PHACTR1: variants seen among roughly 807,000 people sequenced by gnomAD.
The protein encoded by PHACTR1 is RPEL repeat containing 1.
A neutral mutation model predicts 69.2 loss-of-function variants in PHACTR1; 16 were observed. The observed-to-expected ratio is 0.23, with a 90% CI of 0.16 to 0.35. The LOEUF (loss-of-function observed/expected upper bound fraction) is 0.35. Ranked by LOEUF, PHACTR1 falls within the 10% of genes least tolerant of loss-of-function variation. The pLI, the probability that PHACTR1 is intolerant of heterozygous loss-of-function variation, is 1.00. For synonymous variants in PHACTR1, 312 were observed against 284.5 expected, an observed-to-expected ratio of 1.10 and a Z score of -0.97; for missense variants, 510 against 734.7, an observed-to-expected ratio of 0.69 and a Z score of 3.54.
chr6:13,062,841 T>G (rs1807882500), intron 5 of PHACTR1, among the ~76,000 whole-genome samples: 1 of 152,218 alleles, frequency 6.6e-6, no homozygotes, highest in African/African-American at 2.4e-5. Flanking sequence ...AGCATAAGAC[T>G]AGCTATGTCC....
chr6:12,929,834 T>G (rs936023333), intron 4 of PHACTR1, among the ~76,000 whole-genome samples: 2 of 152,238 alleles, frequency 1.3e-5, no homozygotes, highest in Non-Finnish European at 2.9e-5. Flanking sequence ...GAAATAATCA[T>G]TTTAATTTTC....
At chr6:12,996,059 G>A (rs1213529809) in intron 4 of PHACTR1, among the ~76,000 whole-genome samples, 1 of 152,026 alleles carries the variant, frequency 6.6e-6, no homozygotes, top group Non-Finnish European at 1.5e-5. Flanking sequence ...CAAAATACAT[G>A]AGATTTGCAA....
intron 5 of PHACTR1, among the ~76,000 whole-genome samples, chr6:13,103,053 G>A (rs1368757188): frequency 2.0e-5 from 3 of 152,062 alleles, no homozygotes; most frequent in Non-Finnish European, 4.4e-5. Flanking sequence ...GAATTGATTG[G>A]AATTCATTTT....
intron 4 of PHACTR1, among the ~76,000 whole-genome samples, chr6:12,946,988 T>C (rs1263991891): frequency 6.6e-6 from 1 of 151,756 alleles, no homozygotes; most frequent in Non-Finnish European, 1.5e-5. Flanking sequence ...AATTTTTGTA[T>C]TTTTAGTAGA....
chr6:12,744,981 C>T (rs1765585371), intron 3 of PHACTR1, among the ~76,000 whole-genome samples: 1 of 152,046 alleles, frequency 6.6e-6, no homozygotes, highest in African/African-American at 2.4e-5. Context: ...TTTTGAAAAT[C>T]TAGGTATACA....
At chr6:12,928,726 T>C (rs1788552889) in intron 4 of PHACTR1, among the ~76,000 whole-genome samples, 1 of 150,994 alleles carries the variant, frequency 6.6e-6, no homozygotes, top group Non-Finnish European at 1.5e-5. Flanking sequence ...GCTCTACTCA[T>C]ATTCTCAAAG....
chr6:12,761,878 G>A (rs997189855), intron 4 of PHACTR1, among the ~76,000 whole-genome samples: 2 of 152,174 alleles, frequency 1.3e-5, no homozygotes, highest in East Asian at 3.8e-4. Context: ...GTCTAGGGCT[G>A]TTCACTCCCT....
chr6:12,902,418 G>T (rs1785302567), intron 4 of PHACTR1, among the ~76,000 whole-genome samples: 1 of 152,100 alleles, frequency 6.6e-6, no homozygotes. Context: ...GCAAGATCCT[G>T]TCTCCAAAAA....
chr6:12,914,626 T>C (rs370329820), intron 4 of PHACTR1, among the ~76,000 whole-genome samples: 50 of 152,118 alleles, frequency 3.3e-4, no homozygotes, highest in African/African-American at 1.1e-3. Context: ...CCAAAAGATT[T>C]TCCTCCTTCT....
intron 4 of PHACTR1, among the ~76,000 whole-genome samples, chr6:12,946,243 C>T (rs529962622): frequency 1.9e-4 from 29 of 151,934 alleles, no homozygotes; most frequent in African/African-American, 6.8e-4. Flanking sequence ...GAAAATGTGG[C>T]ATCAGGGAGG....
At chr6:12,854,714 A>T (rs1458655554) in intron 4 of PHACTR1, among the ~76,000 whole-genome samples, 1 of 152,234 alleles carries the variant, frequency 6.6e-6, no homozygotes, top group African/African-American at 2.4e-5. Flanking sequence ...CAAGCCCATT[A>T]AAAAGTGGGC....
At chr6:13,043,494 A>AG (rs1487547647) in intron 4 of PHACTR1, among the ~76,000 whole-genome samples, 1 of 152,294 alleles carries the variant, frequency 6.6e-6, no homozygotes, top group Admixed American at 6.5e-5. Context: ...CTATAGGACA[A>AG]GGGTTAACAA....
intron 3 of PHACTR1, among the ~76,000 whole-genome samples, chr6:12,747,230 G>A (rs778118918): frequency 1.3e-5 from 2 of 152,128 alleles, no homozygotes; most frequent in Non-Finnish European, 2.9e-5. Flanking sequence ...AAGGGCATAG[G>A]ATTTGAAATC....
chr6:12,822,222 G>A (rs1313072332), intron 4 of PHACTR1, among the ~76,000 whole-genome samples: 3 of 152,152 alleles, frequency 2.0e-5, no homozygotes, highest in Non-Finnish European at 4.4e-5. Flanking sequence ...TGTTTTGAGA[G>A]GAGGAGATGT....
intron 7 of PHACTR1, among the ~76,000 whole-genome samples, chr6:13,183,129 TTTAA>T (rs1333897079): frequency 3.9e-5 from 6 of 152,222 alleles, no homozygotes; most frequent in Non-Finnish European, 7.3e-5. Context: ...AGTCAATTAA[TTTAA>T]TTGTCTATTA....
intron 4 of PHACTR1, among the ~76,000 whole-genome samples, chr6:12,815,617 C>A (rs1227650826): frequency 6.6e-6 from 1 of 152,160 alleles, no homozygotes; most frequent in Non-Finnish European, 1.5e-5. Flanking sequence ...CACCTTCTCC[C>A]AAATTAAGTC....
chr6:12,960,370 A>T lies in PHACTR1; in HGVS notation c.251-92995A>T, dbSNP rs752618469. Among the ~76,000 whole-genome samples, 3 of 152,362 alleles carry T rather than the reference A, an allele frequency of 2.0e-5. No individual in the cohort carries two copies. The East Asian group carries it at 5.8e-4, about 29-fold the overall frequency. ...TTGAATGTGCCAGTGAGTAAAGAAT[A>T]TGTGTGAAACTTTAGCTCACATTTG... On this transcript the variant is annotated intron_variant, in intron 4 of 14. Transcript: ENST00000332995.
At chr6:13,260,466 A>T (rs1453564722) in intron 10 of PHACTR1, among the ~76,000 whole-genome samples, 2 of 152,142 alleles carry the variant, frequency 1.3e-5, no homozygotes, top group Non-Finnish European at 2.9e-5. Context: ...CAGAGGAGTA[A>T]AACAACCAAG....
intron 10 of PHACTR1, among the ~76,000 whole-genome samples, chr6:13,270,774 C>A (rs879854080): frequency 6.6e-6 from 1 of 152,104 alleles, no homozygotes; most frequent in Non-Finnish European, 1.5e-5. Context: ...GCCATTCTTG[C>A]ATTACTATAA....
Sources: allele counts gnomAD v4.1 joint callset (sites outside exome capture counted in the v4.1 genomes callset), GRCh38; gene constraint gnomAD v4.1.1; transcripts MANE v1.5; gene names NCBI Gene and HGNC (gene_info 2026-07-23, HGNC 2026-07-21).